The following FMN2 variants were observed in gnomAD, a reference collection of about 807,000 sequenced individuals.
FMN2 encodes the protein formin 2.
A neutral mutation model predicts 142.3 loss-of-function variants in FMN2; 51 were observed. The observed-to-expected ratio is 0.36, with a 90% CI of 0.29 to 0.45. The LOEUF (loss-of-function observed/expected upper bound fraction) is 0.45. FMN2 is among the 20% of genes least tolerant of loss of function. The pLI is 1.00. For missense variants in FMN2, 1,936 were observed against 2,122.8 expected (o/e 0.91, Z 1.73); for synonymous variants, 882 against 869.8 (o/e 1.01, Z -0.25).
intron 14 of FMN2, among the ~76,000 whole-genome samples, chr1:240,371,234 A>G (rs1672855225): frequency 6.6e-6 from 1 of 152,166 alleles, no homozygotes; most frequent in South Asian, 2.1e-4. Flanking sequence ...TGTTGAGATT[A>G]CAGTCATGAG....
rs1491404295 is a variant in FMN2 at position 240,228,791 on chromosome 1, ACT to A, written c.4065+17557_4065+17558del. Among the ~76,000 whole-genome samples the A allele has an allele frequency of 2.3e-5, 3 of 131,776 alleles. No homozygotes were observed. In the East Asian group the frequency reaches 5.9e-4, roughly 26 times the overall value. 86.5% of individuals were successfully genotyped at this position (131,776 alleles called of 152,430 possible). On this transcript the variant is annotated intron_variant, in intron 6 of 17. Transcript: ENST00000319653. ...TCAACCTCAAAAAACCTTAAGATAAACTTTTTTTTCCCTAAAAATAAATGGTC... is the reference window on the plus strand; with the variant it reads ...TCAACCTCAAAAAACCTTAAGATAAATTTTTTTCCCTAAAAATAAATGGTC...
intron 1 of FMN2, among the ~76,000 whole-genome samples, chr1:240,112,961 G>A (rs1661870790): frequency 6.6e-6 from 1 of 152,234 alleles, no homozygotes. Context: ...ACTTAGTGCT[G>A]TTTTGCAAAG....
At chr1:240,407,427 C>T (rs1314150328) in intron 15 of FMN2, among the ~76,000 whole-genome samples, 1 of 152,188 alleles carries the variant, frequency 6.6e-6, no homozygotes, top group Admixed American at 6.5e-5. Context: ...GCGTGAGCCA[C>T]CGTGCCCGGC....
intron 3 of FMN2, among the ~76,000 whole-genome samples, chr1:240,185,498 A>G (rs1665404826): frequency 1.3e-5 from 2 of 152,244 alleles, no homozygotes; most frequent in African/African-American, 2.4e-5. Flanking sequence ...TCAGGTAGCC[A>G]TTGAATTAGA....
chr1:240,448,312 C>T (rs1320223934), intron 16 of FMN2, among the ~76,000 whole-genome samples: 5 of 152,096 alleles, frequency 3.3e-5, no homozygotes, highest in African/African-American at 4.8e-5. Context: ...ACCCACTTCA[C>T]GAACTCTAAG....
rs148030290 is a variant in FMN2 at position 240,403,954 on chromosome 1, A to G, written c.4910+11392A>G. ...TTGTAATGGAAGAACGCATATTTGT[A>G]GAAGAACTTTAAATCACACATTTTA... On this transcript the variant is annotated intron_variant, in intron 15 of 17. Transcript: ENST00000319653. Among the ~76,000 whole-genome samples, 1,181 of 152,326 alleles carry G rather than the reference A, an allele frequency of 7.8e-3. 12 individuals are homozygous for G. Among genetic ancestry groups the G allele is most frequent in the African/African-American group, 0.027 (1,111 of 41,586 alleles).
At chr1:240,176,003 C>G (rs184677033) in intron 2 of FMN2, among the ~76,000 whole-genome samples, 1 of 152,054 alleles carries the variant, frequency 6.6e-6, no homozygotes, top group Admixed American at 6.6e-5. Flanking sequence ...TTGTAGGTTG[C>G]CTTTTCACTC....
chr1:240,428,310 C>A (rs1675027495), intron 15 of FMN2, among the ~76,000 whole-genome samples: 1 of 151,822 alleles, frequency 6.6e-6, no homozygotes, highest in Non-Finnish European at 1.5e-5. Flanking sequence ...TGGCTTACTG[C>A]AACCTTAACC....
intron 13 of FMN2, among the ~76,000 whole-genome samples, chr1:240,337,836 TC>T: frequency 6.6e-6 from 1 of 152,318 alleles, no homozygotes; most frequent in East Asian, 1.9e-4. Context: ...TATAATAACA[TC>T]CACTGTGTTT....
chr1:240,230,248 G>T lies in FMN2; in HGVS notation c.4065+19013G>T, dbSNP rs971456568. ...AGGCTGAGGCAGGAGGATCGCTTAA[G>T]CCCAGGAGGTCAAGGCTGCAGTGAG... is the stretch of plus-strand genomic sequence containing the variant. On this transcript the variant is annotated intron_variant, in intron 6 of 17. Transcript: ENST00000319653. Among the ~76,000 whole-genome samples the T allele has an allele frequency of 3.8e-5, 5 of 129,932 alleles. 2 individuals are homozygous for T. The highest frequency in any genetic ancestry group is 1.7e-4 in the African/African-American group (5 of 30,022). The allele number at this position is 129,932 out of a possible 152,430, so 85.2% of individuals were successfully genotyped here.
intron 15 of FMN2, among the ~76,000 whole-genome samples, chr1:240,426,385 C>A (rs1354570721): frequency 1.3e-5 from 2 of 152,082 alleles, no homozygotes; most frequent in African/African-American, 2.4e-5. Context: ...CAGTAGAAGT[C>A]TTTAAAGCAA....
At chr1:240,379,782 A>C (rs1673164996) in intron 14 of FMN2, among the ~76,000 whole-genome samples, 1 of 152,218 alleles carries the variant, frequency 6.6e-6, no homozygotes, top group Non-Finnish European at 1.5e-5. Context: ...CACTTCAATT[A>C]AGTTGATAAA....
intron 15 of FMN2, among the ~76,000 whole-genome samples, chr1:240,403,107 C>T (rs1674044274): frequency 6.6e-6 from 1 of 152,186 alleles, no homozygotes; most frequent in South Asian, 2.1e-4. Context: ...AGTTAGATAG[C>T]TTACCCTTGT....
chr1:240,113,541 G>A (rs1039125138), intron 1 of FMN2, among the ~76,000 whole-genome samples: 5 of 118,884 alleles, frequency 4.2e-5, no homozygotes, highest in African/African-American at 1.6e-4. Context: ...CTGGGGGACA[G>A]AGCAAGACTC....
At chr1:240,224,028 T>C (rs1236587742) in intron 6 of FMN2, among the ~76,000 whole-genome samples, 1 of 152,158 alleles carries the variant, frequency 6.6e-6, no homozygotes, top group African/African-American at 2.4e-5. Flanking sequence ...CTGCTAGCTT[T>C]TGGGTTTGTT....
rs562658819 is a variant in FMN2, at chr1:240,425,894, T to C, written c.4911-12167T>C. 3.9e-5 allele frequency among the ~76,000 whole-genome samples: 6 copies of C among 152,302 alleles called. No individual in the cohort carries two copies. The South Asian group carries it at 1.2e-3, about 32-fold the overall frequency. ...ACTCTGCCATGAGTAGTGCCTGGCA[T>C]ATAGTTACTACCTGCTCCCTGATGA... On this transcript the variant is annotated intron_variant, in intron 15 of 17. Transcript: ENST00000319653.
At chr1:240,123,410 G>A in intron 2 of FMN2, 65 bp downstream of exon 2, 5 of 1,490,098 alleles carry the variant, frequency 3.4e-6, no homozygotes, top group Non-Finnish European at 4.5e-6. Flanking sequence ...GCTACGATGT[G>A]TATCTGCCCA....
intron 7 of FMN2, among the ~76,000 whole-genome samples, chr1:240,261,450 G>A (rs781698093): frequency 8.8e-5 from 13 of 148,388 alleles, no homozygotes; most frequent in Non-Finnish European, 1.5e-4. Flanking sequence ...ATGTAATATT[G>A]TAATAAACAG....
At chr1:240,408,425 AAAG>A (rs1674285181) in intron 15 of FMN2, among the ~76,000 whole-genome samples, 1 of 152,212 alleles carries the variant, frequency 6.6e-6, no homozygotes, top group African/African-American at 2.4e-5. Context: ...AACGGGAAAA[AAAG>A]AGGAAATTAG....
Sources: allele counts gnomAD v4.1 joint callset (sites outside exome capture counted in the v4.1 genomes callset), GRCh38; gene constraint gnomAD v4.1.1; transcripts MANE v1.5; gene names NCBI Gene and HGNC (gene_info 2026-07-23, HGNC 2026-07-21).